FRY: variants seen among roughly 807,000 people sequenced by gnomAD.
The protein encoded by FRY is protein furry homolog.
A neutral mutation model predicts 348.4 loss-of-function variants in FRY; 128 were observed. The ratio of observed to expected loss-of-function variants is 0.37; its 90% CI spans 0.32 to 0.43. The LOEUF (loss-of-function observed/expected upper bound fraction) is 0.43, where lower values mean the gene tolerates loss of function less well. Ranked by LOEUF, FRY falls within the 20% of genes least tolerant of loss-of-function variation. The pLI is 1.00. For synonymous variants in FRY, 1,370 were observed against 1,374.7 expected (o/e 1.00, Z 0.08); for missense variants, 2,736 against 3,695.2 (o/e 0.74, Z 6.73).
intron 16 of FRY, among the ~76,000 whole-genome samples, chr13:32,159,870 T>A (rs1486279027): frequency 6.6e-6 from 1 of 152,230 alleles, no homozygotes; most frequent in African/African-American, 2.4e-5. Context: ...AAAACATTTC[T>A]TTCCTTGGCT....
intron 2 of FRY, among the ~76,000 whole-genome samples, chr13:32,082,724 G>T (rs1242593240): frequency 6.6e-6 from 1 of 152,120 alleles, no homozygotes; most frequent in African/African-American, 2.4e-5. Context: ...GCTGGGAATA[G>T]AATTCTAAGT....
chr13:32,089,219 G>T (rs1418409990), intron 2 of FRY, among the ~76,000 whole-genome samples: 1 of 152,122 alleles, frequency 6.6e-6, no homozygotes, highest in African/African-American at 2.4e-5. Flanking sequence ...CTAACAATAA[G>T]ACTTGTTTTA....
intron 18 of FRY, 62 bp from the exon 19 acceptor site, chr13:32,173,305 A>G (rs1882196656): frequency 8.0e-7 from 1 of 1,243,692 alleles, no homozygotes; most frequent in Non-Finnish European, 1.2e-6. Flanking sequence ...GTAAAACATG[A>G]GTGTATTCTT....
chr13:32,225,767 A>G, intron 38 of FRY, 22 bp from the exon 39 acceptor site: 1 of 1,586,014 alleles, frequency 6.3e-7, no homozygotes, highest in Non-Finnish European at 8.7e-7. Flanking sequence ...GTTTATACTT[A>G]GATTCTACTG....
chr13:32,244,959 AT>A (rs954021822), intron 47 of FRY, among the ~76,000 whole-genome samples: 19 of 150,016 alleles, frequency 1.3e-4, no homozygotes, highest in Admixed American at 5.3e-4. Context: ...CTACAGATTG[AT>A]TTTTTTTTTC....
chr13:32,069,166 C>T (rs1241501942), intron 1 of FRY, among the ~76,000 whole-genome samples: 2 of 152,180 alleles, frequency 1.3e-5, no homozygotes, highest in East Asian at 1.9e-4. Flanking sequence ...CCACCCGTCT[C>T]GACCTCCCAA....
chr13:32,113,780 G>A (rs1336111355), intron 3 of FRY, among the ~76,000 whole-genome samples: 1 of 152,202 alleles, frequency 6.6e-6, no homozygotes, highest in Non-Finnish European at 1.5e-5. Flanking sequence ...CCCTTCCTGA[G>A]CTTTGAGGGC....
chr13:32,155,423 AC>A, intron 14 of FRY, 67 bp from the exon 15 acceptor site: 2 of 1,124,460 alleles, frequency 1.8e-6, no homozygotes, highest in South Asian at 2.5e-5. Context: ...TATCTGAAAG[AC>A]TTATGGATGT....
rs936733427 is a variant in FRY, at chr13:32,151,764, G to T, written c.1479+1930G>T. Among the ~76,000 whole-genome samples the T allele has an allele frequency of 2.0e-5, 3 of 152,086 alleles. No homozygotes were observed. The South Asian group carries it at 6.2e-4, about 32-fold the overall frequency. On this transcript the variant is annotated intron_variant, in intron 14 of 60. Coordinates refer to ENST00000542859, the MANE Select transcript of FRY (RefSeq NM_023037.3). Reference sequence around the variant, plus strand: ...GTCATCAATTTCTCTGTTTTTCCTTGACCTAAAATAACCTGAAGTCGGAGG... The same window carrying T: ...GTCATCAATTTCTCTGTTTTTCCTTTACCTAAAATAACCTGAAGTCGGAGG...
intron 28 of FRY, among the ~76,000 whole-genome samples, chr13:32,193,641 A>G (rs1883490225): frequency 7.3e-6 from 1 of 136,816 alleles, no homozygotes; most frequent in Non-Finnish European, 1.5e-5. Context: ...CCTGGAGTGC[A>G]ATGGCACGAT....
rs751280228 is a variant in FRY, at chr13:32,179,626, C to A, written c.2872-49C>A. ...GGGATCATCCTTTGATTAAAGGAACCATCAGTTACCATGTTACCTCTTTTT... is the reference window on the plus strand; with the variant it reads ...GGGATCATCCTTTGATTAAAGGAACAATCAGTTACCATGTTACCTCTTTTT... On this transcript the variant is annotated intron_variant, in intron 22 of 60. Transcript: ENST00000542859. The A allele has an allele frequency of 6.9e-6, 11 of 1,589,418 alleles. No individual in the cohort carries two copies. The South Asian group carries it at 1.1e-4, about 16-fold the overall frequency.
intron 58 of FRY, among the ~76,000 whole-genome samples, chr13:32,281,820 C>T (rs1377859426): frequency 3.3e-5 from 5 of 152,144 alleles, no homozygotes; most frequent in East Asian, 1.9e-4. Context: ...TTGTTTAAGT[C>T]GTCTGGATAC....
intron 14 of FRY, among the ~76,000 whole-genome samples, chr13:32,153,268 A>G (rs1880911984): frequency 6.6e-6 from 1 of 152,170 alleles, no homozygotes; most frequent in Non-Finnish European, 1.5e-5. Flanking sequence ...AGCCTCATTC[A>G]AAGTCACTAA....
At chr13:32,251,757 T>A (rs1366271784) in intron 49 of FRY, 121 bp from the exon 50 acceptor site, 1 of 735,630 alleles carries the variant, frequency 1.4e-6, no homozygotes, top group Non-Finnish European at 2.5e-6. Flanking sequence ...TTTTGTGTAT[T>A]TTACATTTCA....
At chr13:32,045,355 T>C (rs1314279018) in intron 1 of FRY, among the ~76,000 whole-genome samples, 2 of 152,224 alleles carry the variant, frequency 1.3e-5, no homozygotes, top group East Asian at 3.8e-4. Context: ...GTTCCAGGTC[T>C]GCATCACCTC....
chr13:32,070,180 G>A (rs1000534641), intron 1 of FRY, among the ~76,000 whole-genome samples: 4 of 152,172 alleles, frequency 2.6e-5, no homozygotes, highest in African/African-American at 9.7e-5. Context: ...ACATACATGT[G>A]CATGTGTCCT....
At position 32,184,640 on chromosome 13, in the gene FRY, A is replaced by C. The variant is rs1882914254; in HGVS notation, c.3095A>C (p.Gln1032Pro). 6.2e-7 allele frequency: 1 copy of C among 1,613,700 alleles called. No homozygotes were observed. The highest frequency in any genetic ancestry group is 1.7e-5 in the Admixed American group (1 of 60,010). ...RRERRDLLRL[Q>P]LLRIFELLAD... ...GAACGGCGAGACTTGTTAAGGCTAC[A>C]ACTACTTCGAATTTTTGAACTTTTG... The change falls in exon 25 of 61, where the codon CAA becomes CCA. Residue 1032 changes from glutamine (Q) to proline (P), a missense_variant. Gln to Pro is a moderately conservative substitution (Grantham distance 76). This residue lies in a region of FRY where 449 missense variants were observed against 576.9 expected (regional missense o/e 0.78). Coordinates refer to ENST00000542859, the MANE Select transcript of FRY (RefSeq NM_023037.3).
At chr13:32,185,212 C>T (rs547427916) in intron 26 of FRY, 64 bp downstream of exon 26, 68 of 1,438,744 alleles carry the variant, frequency 4.7e-5, no homozygotes, top group Non-Finnish European at 6.0e-5. Context: ...TTCTTTATTA[C>T]GGTGCTTTCG....
rs906973519 is a variant in FRY at position 32,124,355 on chromosome 13, A to G, written c.534A>G (p.Val178=). The change falls in exon 5 of 61, where the codon GTA becomes GTG. Residue 178 remains valine, a synonymous_variant. Coordinates refer to ENST00000542859, the MANE Select transcript of FRY (RefSeq NM_023037.3). ...DLAIDFIFSL[V]LIEVLKQIPL... ...CCATTGATTTTATTTTTTCTTTAGT[A>G]TTAATAGAAGTTTTGAAACAGGTAG... The G allele has an allele frequency of 1.6e-5, 25 of 1,567,936 alleles. No individual in the cohort carries two copies. The highest frequency in any genetic ancestry group is 9.0e-5 in the East Asian group (4 of 44,616).
Sources: gnomAD v4.1 joint callset for allele counts (sites outside exome capture counted in the v4.1 genomes callset) on GRCh38, gnomAD v4.1.1 for gene constraint, gnomAD v4.1.1 regional missense constraint, MANE v1.5 for transcripts, NCBI Gene and HGNC (gene_info 2026-07-23, HGNC 2026-07-21) for gene names.